SCN11A: variants seen among roughly 807,000 people sequenced by gnomAD.
The protein encoded by SCN11A is sodium voltage-gated channel alpha subunit 11.
In SCN11A, 122 loss-of-function variants were observed where a neutral mutation model predicts 162.2. The ratio of observed to expected loss-of-function variants is 0.75; its 90% CI spans 0.65 to 0.87. The LOEUF (loss-of-function observed/expected upper bound fraction) is 0.87, where lower values mean the gene tolerates loss of function less well. Among genes scored for constraint, SCN11A ranks in the 40% least tolerant of loss-of-function variants. SCN11A has a pLI of 0.00. For synonymous variants in SCN11A, 758 were observed against 751.5 expected, an observed-to-expected ratio of 1.01 and a Z score of -0.14; for missense variants, 2,015 against 2,181.6, an observed-to-expected ratio of 0.92 and a Z score of 1.52.
chr3:38,967,581 G>T (rs1304917671), intron 2 of SCN11A, among the ~76,000 whole-genome samples: 1 of 152,204 alleles, frequency 6.6e-6, no homozygotes. Flanking sequence ...CATGGCTTTG[G>T]AGAAAGCACT....
At position 38,903,977 on chromosome 3, in the gene SCN11A, G is replaced by A. The variant is rs374524879; in HGVS notation, c.1730C>T (p.Pro577Leu). Reference sequence around the variant, plus strand: ...GATGGTGATGGCCAGCTCAGTAAACGGGTCAGTCATCACAGTTCTCAGGAC... The same window carrying A: ...GATGGTGATGGCCAGCTCAGTAAACAGGTCAGTCATCACAGTTCTCAGGAC... ...KKVLRTVMTD[P>L]FTELAITICI... The change falls in exon 16 of 30, where the codon CCG becomes CTG. Residue 577 changes from proline to leucine, a missense_variant. Physicochemically the swap from Pro to Leu is moderately conservative, Grantham distance 98 (BLOSUM62 -3). Transcript: ENST00000302328. 703 of 1,613,926 alleles carry A rather than the reference G, an allele frequency of 4.4e-4. 2 individuals carry two copies. Among genetic ancestry groups the A allele is most frequent in the Non-Finnish European group, 5.7e-4 (670 of 1,179,956 alleles).
intron 2 of SCN11A, among the ~76,000 whole-genome samples, chr3:38,975,924 G>A (rs1049605086): frequency 2.0e-5 from 3 of 152,046 alleles, no homozygotes; most frequent in Non-Finnish European, 4.4e-5. Flanking sequence ...TGTACTTAAC[G>A]CTATATTGAA....
Position 38,908,050 on chromosome 3 carries a change from T to C in SCN11A, c.1372A>G (p.Arg458Gly), listed in dbSNP as rs746741324. ...CTTTTCTTATTACCAAAGAGCTTTC[T>C]CTTTTTTGGGGTAAAATATGATGTT... ...LETSYFTPKK[R>G]KLFGNKKRKS... is the part of the protein sequence containing the mutation. Residue 458 changes from arginine (R) to glycine (G), a missense_variant, in exon 14 of 30, where the codon AGA (arginine) becomes GGA (glycine). Coordinates refer to ENST00000302328, the MANE Select transcript of SCN11A (RefSeq NM_001349253.2). 2 of 1,613,758 alleles carry C rather than the reference T, an allele frequency of 1.2e-6. No individual in the cohort carries two copies. Among genetic ancestry groups the C allele is most frequent in the Non-Finnish European group, 1.7e-6 (2 of 1,179,900 alleles).
In SCN11A at chr3:38,950,300, G is replaced by A. The variant is rs533627437; in HGVS notation, c.63C>T (p.Ser21=). The change falls in exon 5 of 30, where the codon TCC becomes TCT. Residue 21 remains serine, a synonymous_variant. Transcript: ENST00000302328. ...GCTTCTCAATTGCAGCCAGAGAGTC[G>A]GAAGTGAAGGGGCGGAAATTCCGCT... The part of the protein sequence containing the change: ...PDERNFRPFT[S]DSLAAIEKRI... The A allele has an allele frequency of 2.6e-5, 42 of 1,614,000 alleles. No individual in the cohort carries two copies. In the Admixed American group the frequency reaches 6.5e-4, roughly 25 times the overall value.
Position 38,940,918 on chromosome 3 carries a change from TG to T in SCN11A, c.488+4492del, listed in dbSNP as rs544941796. On this transcript the variant is annotated intron_variant, in intron 7 of 29. Coordinates refer to ENST00000302328, the MANE Select transcript of SCN11A (RefSeq NM_001349253.2). Reference sequence around the variant, plus strand: ...GCTGGGCAAACCCTCCCACAGATAATGAGTATTAAACTGGAAAATATATATA... The same window carrying T: ...GCTGGGCAAACCCTCCCACAGATAATAGTATTAAACTGGAAAATATATATA... Among the ~76,000 whole-genome samples the T allele has an allele frequency of 2.3e-3, 347 of 152,250 alleles. 2 individuals are homozygous for T. The highest frequency in any genetic ancestry group is 2.4e-3 in the Non-Finnish European group (165 of 68,008).
At chr3:38,870,172 G>A (rs78811421) in intron 26 of SCN11A, among the ~76,000 whole-genome samples, 1,546 of 152,232 alleles carry the variant, frequency 0.01, 32 homozygotes, top group African/African-American at 0.035. Context: ...CCAACTTTGG[G>A]AATCTGTGAT....
intron 28 of SCN11A, among the ~76,000 whole-genome samples, chr3:38,857,267 A>T (rs985852262): frequency 2.0e-5 from 3 of 152,096 alleles, no homozygotes; most frequent in Non-Finnish European, 2.9e-5. Context: ...AATACAAGAT[A>T]TGGATAAGAA....
At chr3:38,974,726 A>G (rs2066838453) in intron 2 of SCN11A, among the ~76,000 whole-genome samples, 1 of 150,802 alleles carries the variant, frequency 6.6e-6, no homozygotes, top group Non-Finnish European at 1.5e-5. Context: ...AAAGAAAAGA[A>G]AAGAAAAGAA....
intron 19 of SCN11A, among the ~76,000 whole-genome samples, chr3:38,891,910 G>A (rs2065506694): frequency 1.3e-5 from 2 of 152,038 alleles, no homozygotes; most frequent in African/African-American, 4.8e-5. Flanking sequence ...TCAAATCCTA[G>A]CACTCCACAT....
intron 2 of SCN11A, among the ~76,000 whole-genome samples, chr3:38,962,501 A>G (rs2066747992): frequency 6.6e-6 from 1 of 152,142 alleles, no homozygotes; most frequent in Non-Finnish European, 1.5e-5. Context: ...ATCCATGAGC[A>G]TGGGATGTGT....
At position 38,908,021 on chromosome 3, in the gene SCN11A, C is replaced by T; in HGVS notation, c.1401G>A (p.Lys467=). Residue 467 remains lysine, a synonymous_variant, in exon 14 of 30, where the codon AAG becomes AAA. Transcript: ENST00000302328. ...KRKLFGNKKR[K]SFFLRESGKD... is the part of the protein sequence containing the mutation. The stretch of plus-strand genomic sequence containing the variant: ...TCCCAGACTCTCTCAAAAAGAAGGA[C>T]TTCCTTTTCTTATTACCAAAGAGCT... 2 of 1,613,658 alleles carry T rather than the reference C, an allele frequency of 1.2e-6. No individual in the cohort carries two copies. The highest frequency in any genetic ancestry group is 1.7e-6 in the Non-Finnish European group (2 of 1,179,890).
intron 2 of SCN11A, among the ~76,000 whole-genome samples, chr3:39,008,892 A>C (rs547025988): frequency 1.3e-5 from 2 of 152,138 alleles, no homozygotes; most frequent in Non-Finnish European, 2.9e-5. Flanking sequence ...AAAAAACAAA[A>C]AAAAAAGTAT....
intron 2 of SCN11A, among the ~76,000 whole-genome samples, chr3:38,960,632 G>C (rs1407643299): frequency 6.6e-6 from 1 of 152,022 alleles, no homozygotes; most frequent in Non-Finnish European, 1.5e-5. Flanking sequence ...TCTGTGGCCT[G>C]ATCCAAGTGG....
chr3:38,987,682 G>A (rs1369707355), intron 2 of SCN11A, among the ~76,000 whole-genome samples: 2 of 152,140 alleles, frequency 1.3e-5, no homozygotes, highest in African/African-American at 4.8e-5. Flanking sequence ...AAGCCTAGTT[G>A]ATCAAATTTG....
intron 28 of SCN11A, among the ~76,000 whole-genome samples, chr3:38,857,183 A>G (rs1366602191): frequency 6.6e-6 from 1 of 152,170 alleles, no homozygotes; most frequent in Non-Finnish European, 1.5e-5. Context: ...TAAAGAATTC[A>G]GAAGATTTAT....
intron 1 of SCN11A, among the ~76,000 whole-genome samples, chr3:39,035,963 T>C (rs997200424): frequency 9.2e-5 from 14 of 152,216 alleles, no homozygotes; most frequent in African/African-American, 3.4e-4. Context: ...ACTTGCTACA[T>C]TTCTGACTTG....
At chr3:38,969,401 A>T (rs2066803209) in intron 2 of SCN11A, among the ~76,000 whole-genome samples, 1 of 152,188 alleles carries the variant, frequency 6.6e-6, no homozygotes, top group Admixed American at 6.5e-5. Flanking sequence ...AGAGGGATGA[A>T]CAGGTCTAAG....
At chr3:39,034,216 A>C (rs995123773) in intron 1 of SCN11A, among the ~76,000 whole-genome samples, 1 of 151,918 alleles carries the variant, frequency 6.6e-6, no homozygotes, top group African/African-American at 2.4e-5. Flanking sequence ...AAATACCAGC[A>C]AATAGAATTC....
Position 38,850,527 on chromosome 3 carries a change from A to T in SCN11A, c.4281T>A (p.Asn1427Lys). 1 of 1,613,920 alleles carries T rather than the reference A, an allele frequency of 6.2e-7. No homozygotes were observed. Among genetic ancestry groups the T allele is most frequent in the South Asian group, 1.1e-5 (1 of 91,062 alleles). The change falls in exon 29 of 30, where the codon AAT becomes AAA. Residue 1427 changes from asparagine to lysine, a missense_variant. Coordinates refer to ENST00000302328, the MANE Select transcript of SCN11A (RefSeq NM_001349253.2). The stretch of plus-strand genomic sequence containing the variant: ...CCACACAGTCAAATAAATTCCAGCC[A>T]TTGGTGAAGTAGTATTGCCTCAAAG... ...IFALRQYYFT[N>K]GWNLFDCVVV... is the part of the protein sequence containing the mutation.
Sources: gnomAD v4.1 joint callset for allele counts (sites outside exome capture counted in the v4.1 genomes callset) on GRCh38, gnomAD v4.1.1 for gene constraint, MANE v1.5 for transcripts, NCBI Gene and HGNC (gene_info 2026-07-23, HGNC 2026-07-21) for gene names.